The following ADARB1 variants were observed in gnomAD, a reference collection of about 807,000 sequenced individuals.
ADARB1 encodes double-stranded RNA-specific editase 1.
ADARB1 carries 10 observed loss-of-function variants against 52.4 expected under a neutral mutation model. That is an observed-to-expected ratio of 0.19 (90% CI 0.12 to 0.32). ADARB1 has a LOEUF of 0.32. Ranked by LOEUF, ADARB1 falls within the 10% of genes least tolerant of loss-of-function variation. The pLI is 1.00. For missense variants in ADARB1, 643 were observed against 922.3 expected (o/e 0.70, Z 3.92); for synonymous variants, 349 against 371.1 (o/e 0.94, Z 0.68).
At chr21:45,111,249 C>A (rs543181541) in intron 1 of ADARB1, among the ~76,000 whole-genome samples, 15 of 152,194 alleles carry the variant, frequency 9.9e-5, no homozygotes, top group Non-Finnish European at 2.2e-4. Context: ...AGCTTGTATC[C>A]TGCAACCTGT....
rs185076501 is a variant in ADARB1 at position 45,097,998 on chromosome 21, A to G, written c.-220+23205A>G. The stretch of plus-strand genomic sequence containing the variant: ...CTTTCTCCTTACAGTGAACGTCACC[A>G]ACACCCACCCAGCTGCTGGAAACCT... On this transcript the variant is annotated intron_variant, in intron 1 of 10. Transcript: ENST00000348831. 1.2e-3 allele frequency among the ~76,000 whole-genome samples: 188 copies of G among 152,204 alleles called. 1 individual carries two copies. Among genetic ancestry groups the G allele is most frequent in the African/African-American group, 4.3e-3 (180 of 41,532 alleles).
rs1463396774 is a variant in ADARB1, at chr21:45,225,871, C to G, written c.*3674C>G. On this transcript the variant is annotated 3_prime_UTR_variant, in exon 11 of 11. Coordinates refer to ENST00000348831, the MANE Select transcript of ADARB1 (RefSeq NM_001112.4). The stretch of plus-strand genomic sequence containing the variant: ...GTGTCCAGTTTACAGCGTCTCTGCC[C>G]CCTAGCGTGTTTTGTGACAATCTCC... 1.0e-5 allele frequency: 3 copies of G among 295,984 alleles called. No homozygotes were observed. The highest frequency in any genetic ancestry group is 6.5e-5 in the African/African-American group (3 of 46,238). 18.3% of individuals were successfully genotyped at this position (295,984 alleles called of 1,614,324 possible).
At chr21:45,158,301 G>T (rs2090773779) in intron 2 of ADARB1, among the ~76,000 whole-genome samples, 2 of 152,100 alleles carry the variant, frequency 1.3e-5, no homozygotes, top group Non-Finnish European at 2.9e-5. Context: ...ATCCTTTGGG[G>T]GTTCTTTCTG....
intron 2 of ADARB1, among the ~76,000 whole-genome samples, chr21:45,140,317 AC>A (rs1219958635): frequency 2.0e-5 from 3 of 152,144 alleles, no homozygotes; most frequent in African/African-American, 7.2e-5. Flanking sequence ...GTTTCCTCTT[AC>A]CCCGTGCAGA....
rs1016818810 is a variant in ADARB1 at position 45,172,823 on chromosome 21, C to T, written c.28+1139C>T. Among the ~76,000 whole-genome samples the T allele has an allele frequency of 6.6e-6, 1 of 152,206 alleles. No homozygotes were observed. Among genetic ancestry groups the T allele is most frequent in the African/African-American group, 2.4e-5 (1 of 41,444 alleles). ...TGTGTGCGCAGCCCGTGCCTGCCTG[C>T]TGGTGATTGTTTTTTTCAGGTTTTT... On this transcript the variant is annotated intron_variant, in intron 3 of 10. Transcript: ENST00000348831. This position sits in a 1 kb window ranked among gnomAD's most constrained non-coding sequence, Gnocchi z 4.4.
chr21:45,193,621 C>A (rs558657587), intron 8 of ADARB1, among the ~76,000 whole-genome samples: 2 of 152,242 alleles, frequency 1.3e-5, no homozygotes, highest in East Asian at 3.9e-4. Flanking sequence ...ACATACTTAT[C>A]TATGTAGGAA....
chr21:45,113,559 G>A lies in ADARB1; in HGVS notation c.-219-14843G>A, dbSNP rs558337046. On this transcript the variant is annotated intron_variant, in intron 1 of 10. Transcript: ENST00000348831. ...TATATGTTGACATGTGAGTTTTTCA[G>A]TTTACTCTGAACTCTCTCCTTGTCT... Among the ~76,000 whole-genome samples the A allele has an allele frequency of 8.6e-4, 129 of 150,488 alleles. 1 individual carries two copies. The highest frequency in any genetic ancestry group is 1.7e-3 in the Non-Finnish European group (112 of 67,740).
chr21:45,083,861 C>T lies in ADARB1; in HGVS notation c.-220+9068C>T, dbSNP rs565549096. 3.9e-5 allele frequency among the ~76,000 whole-genome samples: 6 copies of T among 152,256 alleles called. No homozygotes were observed. In the South Asian group the frequency reaches 6.2e-4, roughly 16 times the overall value. On this transcript the variant is annotated intron_variant, in intron 1 of 10. Coordinates refer to ENST00000348831, the MANE Select transcript of ADARB1 (RefSeq NM_001112.4). ...GGCTACAGGTGGATGCCACCACACC[C>T]GGCTAATTTTTGTATTTTTTGTAGA...
intron 1 of ADARB1, among the ~76,000 whole-genome samples, chr21:45,086,721 C>T (rs560165322): frequency 5.8e-4 from 88 of 152,308 alleles, no homozygotes; most frequent in African/African-American, 2.0e-3. Flanking sequence ...CAGCGATGGA[C>T]TTTGGGTTGT....
intron 2 of ADARB1, chr21:45,145,720 G>T (rs2089972044): frequency 6.6e-6 from 1 of 152,250 alleles, no homozygotes; most frequent in South Asian, 2.1e-4. Flanking sequence ...GGTGCCCAGA[G>T]CTCAAGACAG....
At chr21:45,152,600 C>T (rs1339175871) in intron 2 of ADARB1, 16 of 417,592 alleles carry the variant, frequency 3.8e-5, no homozygotes, top group South Asian at 8.3e-5. Flanking sequence ...CTGGCATTGG[C>T]GTGTCTGCAT....
chr21:45,211,944 G>C (rs1306518655), intron 9 of ADARB1, among the ~76,000 whole-genome samples: 2 of 152,214 alleles, frequency 1.3e-5, no homozygotes, highest in Non-Finnish European at 2.9e-5. Flanking sequence ...CGTATGGTTA[G>C]TATTGGAAGC....
Position 45,200,601 on chromosome 21 carries a change from C to G in ADARB1, c.1566-3954C>G, listed in dbSNP as rs1395717011. Among the ~76,000 whole-genome samples the G allele has an allele frequency of 6.6e-6, 1 of 151,734 alleles. No individual in the cohort carries two copies. The highest frequency in any genetic ancestry group is 1.5e-5 in the Non-Finnish European group (1 of 67,888). On this transcript the variant is annotated intron_variant, in intron 8 of 10. Transcript: ENST00000348831. The surrounding 1 kb of genome is among the most constrained non-coding windows in gnomAD (Gnocchi z 5.0). ...GCTTTATTGTAGGGAAAGGGGGAGG[C>G]TTTGGGTATGTTCTGATGGAGGTAG...
chr21:45,212,444 T>G (rs1356498111), intron 9 of ADARB1, among the ~76,000 whole-genome samples: 1 of 152,150 alleles, frequency 6.6e-6, no homozygotes, highest in Non-Finnish European at 1.5e-5. Flanking sequence ...TCAGTTCCAC[T>G]GGCAAAACTG....
intron 2 of ADARB1, among the ~76,000 whole-genome samples, chr21:45,136,185 C>A (rs1296689892): frequency 2.0e-5 from 3 of 152,146 alleles, no homozygotes; most frequent in Non-Finnish European, 4.4e-5. Context: ...TCTCTTAGGA[C>A]AGGTCCACTG....
chr21:45,127,386 C>G (rs927744174), intron 1 of ADARB1, among the ~76,000 whole-genome samples: 1 of 152,144 alleles, frequency 6.6e-6, no homozygotes, highest in African/African-American at 2.4e-5. Flanking sequence ...ACCTGTAATT[C>G]CAGGCTGATA....
chr21:45,207,644 G>A (rs1186943704), intron 9 of ADARB1, among the ~76,000 whole-genome samples: 1 of 152,224 alleles, frequency 6.6e-6, no homozygotes, highest in Non-Finnish European at 1.5e-5. Context: ...GAGCTACCAG[G>A]ACATTGGCCC....
At chr21:45,093,500 G>C (rs1279654132) in intron 1 of ADARB1, among the ~76,000 whole-genome samples, 2 of 152,216 alleles carry the variant, frequency 1.3e-5, no homozygotes, top group African/African-American at 2.4e-5. Flanking sequence ...GCTGTTCTCT[G>C]ACTTGTGGGT....
intron 8 of ADARB1, among the ~76,000 whole-genome samples, chr21:45,193,413 G>GA (rs1482942132): frequency 6.6e-5 from 10 of 152,154 alleles, no homozygotes; most frequent in Admixed American, 2.0e-4. Flanking sequence ...GGAAATCTAT[G>GA]AAAAATCTAC....
Sources: gnomAD v4.1 joint callset for allele counts (sites outside exome capture counted in the v4.1 genomes callset) on GRCh38, gnomAD v4.1.1 for gene constraint, Gnocchi (gnomAD v3.1) non-coding constraint, MANE v1.5 for transcripts, NCBI Gene and HGNC (gene_info 2026-07-23, HGNC 2026-07-21) for gene names.